Variants in DNM3 observed in about 807,000 individuals in gnomAD.
The protein encoded by DNM3 is dynamin 3.
In DNM3, 47 loss-of-function variants were observed where a neutral mutation model predicts 101.6. That is an observed-to-expected ratio of 0.46 (90% confidence interval 0.37 to 0.59). The LOEUF (loss-of-function observed/expected upper bound fraction) is 0.59. Among genes scored for constraint, DNM3 ranks in the 20% least tolerant of loss-of-function variants. The pLI is 0.00. For synonymous variants in DNM3, 385 were observed against 387.9 expected, an observed-to-expected ratio of 0.99 and a Z score of 0.09; for missense variants, 849 against 1,085.7, an observed-to-expected ratio of 0.78 and a Z score of 3.06.
intron 15 of DNM3, among the ~76,000 whole-genome samples, chr1:172,292,786 C>G (rs2063983882): frequency 6.6e-6 from 1 of 152,080 alleles, no homozygotes. Context: ...ATTCACTAGA[C>G]AAGTTTACTA....
chr1:172,387,042 T>C, intron 18 of DNM3, 91 bp from the exon 19 acceptor site: 1 of 1,112,232 alleles, frequency 9.0e-7, no homozygotes, highest in Non-Finnish European at 1.3e-6. Flanking sequence ...TTGGTGGACT[T>C]TGTCCAGACT....
At chr1:172,084,625 G>C (rs2053402847) in intron 12 of DNM3, among the ~76,000 whole-genome samples, 2 of 152,114 alleles carry the variant, frequency 1.3e-5, no homozygotes, top group Non-Finnish European at 2.9e-5. Flanking sequence ...AAAAAAATAT[G>C]GTTGTAGCTA....
chr1:172,252,213 C>T (rs1229902771), intron 14 of DNM3, among the ~76,000 whole-genome samples: 1 of 152,064 alleles, frequency 6.6e-6, no homozygotes, highest in Non-Finnish European at 1.5e-5. Context: ...TGTTTTCAGT[C>T]ACCTGTTCAC....
chr1:172,402,636 G>A lies in DNM3; in HGVS notation c.2523-5136G>A, dbSNP rs190964960. ...ATTAGAATTTGGAATGCACAGAGATGCTTACCTATTTATTTTCATAAGCAA... is the reference window on the plus strand; with the variant it reads ...ATTAGAATTTGGAATGCACAGAGATACTTACCTATTTATTTTCATAAGCAA... On this transcript the variant is annotated intron_variant, in intron 20 of 20. Transcript: ENST00000627582. 2.3e-3 allele frequency among the ~76,000 whole-genome samples: 355 copies of A among 152,260 alleles called. 2 individuals carry two copies. Among genetic ancestry groups the A allele is most frequent in the South Asian group, 0.017 (83 of 4,820 alleles).
At chr1:172,271,715 A>G (rs2063094269) in intron 15 of DNM3, among the ~76,000 whole-genome samples, 1 of 152,142 alleles carries the variant, frequency 6.6e-6, no homozygotes, top group African/African-American at 2.4e-5. Context: ...AGCTTTCTAT[A>G]TTCTGCTACA....
At chr1:171,988,502 GC>G (rs1003248625) in intron 3 of DNM3, among the ~76,000 whole-genome samples, 1 of 151,616 alleles carries the variant, frequency 6.6e-6, no homozygotes, top group Non-Finnish European at 1.5e-5. Context: ...ATGGCTAACA[GC>G]TTTCTACTAG....
intron 4 of DNM3, among the ~76,000 whole-genome samples, chr1:172,019,087 C>T (rs1399290227): frequency 6.9e-6 from 1 of 144,494 alleles, no homozygotes; most frequent in Non-Finnish European, 1.5e-5. Context: ...TTCCTTTCTT[C>T]CTTTGTTCCT....
intron 1 of DNM3, among the ~76,000 whole-genome samples, chr1:171,846,923 C>G (rs189795149): frequency 1.3e-5 from 2 of 152,174 alleles, no homozygotes; most frequent in African/African-American, 4.8e-5. Flanking sequence ...TATTCCTTAC[C>G]TGTTTCCATA....
intron 17 of DNM3, chr1:172,370,081 C>T (rs943876762): frequency 1.3e-5 from 2 of 151,878 alleles, no homozygotes; most frequent in Non-Finnish European, 2.9e-5. Flanking sequence ...TGTGGTACTG[C>T]TGGTTAGGGC....
intron 1 of DNM3, among the ~76,000 whole-genome samples, chr1:171,884,065 C>T (rs1191448683): frequency 6.6e-6 from 1 of 152,202 alleles, no homozygotes; most frequent in Non-Finnish European, 1.5e-5. Flanking sequence ...AGATGTTCAG[C>T]ATGGCTGCAT....
At chr1:172,274,453 A>G (rs750312211) in intron 15 of DNM3, among the ~76,000 whole-genome samples, 8 of 152,204 alleles carry the variant, frequency 5.3e-5, no homozygotes, top group Non-Finnish European at 1.0e-4. Flanking sequence ...CCCAGAGGGA[A>G]AGGAACAGGG....
At chr1:172,233,857 C>T (rs926157675) in intron 14 of DNM3, among the ~76,000 whole-genome samples, 23 of 152,282 alleles carry the variant, frequency 1.5e-4, no homozygotes, top group Middle Eastern at 3.4e-3. Flanking sequence ...ACGCTAAAAA[C>T]TCTCAATAAA....
At chr1:171,850,202 A>G (rs2032763833) in intron 1 of DNM3, among the ~76,000 whole-genome samples, 1 of 152,208 alleles carries the variant, frequency 6.6e-6, no homozygotes, top group African/African-American at 2.4e-5. Flanking sequence ...AAGTACCAAC[A>G]TTTTTGTAGT....
chr1:172,188,056 C>T (rs549287545), intron 14 of DNM3, among the ~76,000 whole-genome samples: 20 of 152,126 alleles, frequency 1.3e-4, no homozygotes, highest in Non-Finnish European at 1.6e-4. Flanking sequence ...AAAAAATATG[C>T]CTTGAATTCC....
chr1:171,896,614 T>G (rs1203682054), intron 1 of DNM3, among the ~76,000 whole-genome samples: 1 of 152,230 alleles, frequency 6.6e-6, no homozygotes, highest in Admixed American at 6.5e-5. Context: ...TTTGACTTCC[T>G]CTTTTCCTAA....
Position 172,215,570 on chromosome 1 carries a change from A to G in DNM3, c.1660-38003A>G, listed in dbSNP as rs115220075. Among the ~76,000 whole-genome samples the G allele has an allele frequency of 3.8e-3, 573 of 152,244 alleles. 9 individuals carry two copies. Among genetic ancestry groups the G allele is most frequent in the African/African-American group, 0.013 (546 of 41,562 alleles). On this transcript the variant is annotated intron_variant, in intron 14 of 20. Transcript: ENST00000627582. ...GAAATCAGAGGCAGTTAATTTTATC[A>G]GAGAAAAAAATTGGAAGATAAAAGC... is the stretch of plus-strand genomic sequence containing the variant.
At chr1:172,279,723 CA>C (rs1393777480) in intron 15 of DNM3, among the ~76,000 whole-genome samples, 1 of 152,132 alleles carries the variant, frequency 6.6e-6, no homozygotes, top group African/African-American at 2.4e-5. Flanking sequence ...CCCAGTTTCT[CA>C]GAAACATATG....
At chr1:171,914,958 A>G (rs911649617) in intron 1 of DNM3, among the ~76,000 whole-genome samples, 5 of 152,078 alleles carry the variant, frequency 3.3e-5, no homozygotes, top group African/African-American at 1.2e-4. Context: ...AGAGAAGATG[A>G]CATGCAGCTG....
intron 14 of DNM3, among the ~76,000 whole-genome samples, chr1:172,195,430 A>G (rs2059911593): frequency 6.6e-6 from 1 of 151,750 alleles, no homozygotes; most frequent in Non-Finnish European, 1.5e-5. Context: ...TTCTTGACTT[A>G]TGGCATCAGC....
Sources: gnomAD v4.1 joint callset for allele counts (sites outside exome capture counted in the v4.1 genomes callset) on GRCh38, gnomAD v4.1.1 for gene constraint, MANE v1.5 for transcripts, NCBI Gene and HGNC (gene_info 2026-07-23, HGNC 2026-07-21) for gene names.